The following STXBP2 variants were observed in gnomAD, a reference collection of about 807,000 sequenced individuals.
STXBP2 encodes syntaxin-binding protein 2.
In STXBP2, 47 loss-of-function variants were observed where a neutral mutation model predicts 72.2. That is an observed-to-expected ratio of 0.65 (90% CI 0.51 to 0.83). The LOEUF (loss-of-function observed/expected upper bound fraction) is 0.83. Ranked by LOEUF, STXBP2 falls within the 40% of genes least tolerant of loss-of-function variation. The probability of loss-of-function intolerance (pLI) is 0.00; values close to 1 mark genes in which losing one functional copy is unlikely to be tolerated. For missense variants in STXBP2, 702 were observed against 807.6 expected (o/e 0.87, Z 1.58); for synonymous variants, 367 against 338.7 (o/e 1.08, Z -0.92).
At chr19:7,646,985 G>C in intron 16 of STXBP2, 177 bp from the exon 17 acceptor site, 1 of 630,808 alleles carries the variant, frequency 1.6e-6, no homozygotes, top group Non-Finnish European at 2.8e-6. Flanking sequence ...TATGGATCTA[G>C]ATTTCTAGGT....
At chr19:7,635,967 T>A (rs1261795754), upstream of STXBP2, among the ~76,000 whole-genome samples, 1 of 152,172 alleles carries the variant, frequency 6.6e-6, no homozygotes, top group Non-Finnish European at 1.5e-5. Context: ...TACCTGGACA[T>A]GCTGTGTGGC....
chr19:7,640,498 ATC>A (rs750564223), intron 4 of STXBP2: 22 of 574,126 alleles, frequency 3.8e-5, no homozygotes, highest in Middle Eastern at 3.4e-4. Flanking sequence ...GTGTGTGTGC[ATC>A]TGTGTGTGTG....
At chr19:7,645,414 G>T (rs1277659672) in intron 15 of STXBP2, 108 bp downstream of exon 15, 2 of 1,143,470 alleles carry the variant, frequency 1.7e-6, no homozygotes, top group African/African-American at 3.1e-5. Flanking sequence ...GGTTCCTGGC[G>T]TGGTGTGGTT....
Position 7,647,375 on chromosome 19 carries a change from C to G in STXBP2, c.1560C>G (p.His520Gln). The change falls in exon 18 of 19, where the codon CAC becomes CAG. Residue 520 changes from histidine (H) to glutamine (Q), a missense_variant. Coordinates refer to ENST00000221283, the MANE Select transcript of STXBP2 (RefSeq NM_006949.4). ...ACAGTGCCCGCTTCGGTCACTGGCA[C>G]AAGAACAAGGCTGGCATAGAAGCCC... ...AAVSARFGHWHKNKAGIEARA... is the reference protein window; with the variant it reads ...AAVSARFGHWQKNKAGIEARA... 6.2e-7 allele frequency: 1 copy of G among 1,613,510 alleles called. No individual in the cohort carries two copies. The highest frequency in any genetic ancestry group is 1.1e-5 in the South Asian group (1 of 91,086).
At chr19:7,646,641 C>T in intron 16 of STXBP2, 1 of 500,642 alleles carries the variant, frequency 2.0e-6, no homozygotes, top group Admixed American at 3.3e-5. Context: ...CCAGCCCTGG[C>T]CTTCCCAGGA....
In STXBP2 at chr19:7,647,447, G is replaced by A. The variant is rs970648780; in HGVS notation, c.1632G>A (p.Met544Ile). 3 of 1,613,334 alleles carry A rather than the reference G, an allele frequency of 1.9e-6. No individual in the cohort carries two copies. The highest frequency in any genetic ancestry group is 2.5e-6 in the Non-Finnish European group (3 of 1,179,808). Residue 544 changes from methionine (M) to isoleucine (I), a missense_variant, in exon 18 of 19, where the codon ATG (methionine) becomes ATA (isoleucine). Transcript: ENST00000221283. ...LIVYVMGGVA[M>I]SEMRAAYEVT... Reference sequence around the variant, plus strand: ...TGTATGTCATGGGCGGTGTGGCCATGTCAGAGATGAGGGCCGCCTACGAGG... The same window carrying A: ...TGTATGTCATGGGCGGTGTGGCCATATCAGAGATGAGGGCCGCCTACGAGG...
the STXBP2 span, chr19:7,631,726 C>T: frequency 1.3e-5 from 18 of 1,438,872 alleles, no homozygotes; most frequent in South Asian, 3.2e-5. Flanking sequence ...GCTGCTGTTC[C>T]GACGGAAGCC....
chr19:7,646,220 C>T (rs1398901493), intron 15 of STXBP2, 29 bp from the exon 16 acceptor site: 1 of 1,570,524 alleles, frequency 6.4e-7, no homozygotes. Flanking sequence ...CCCTCAATCC[C>T]CCTGCTGCCC....
chr19:7,633,022 C>A (rs1354654641), upstream of STXBP2: 4 of 1,431,366 alleles, frequency 2.8e-6, no homozygotes, highest in African/African-American at 1.4e-5. Flanking sequence ...CAATCCCGGC[C>A]CCCGCCCCAG....
chr19:7,632,524 G>T, upstream of STXBP2: 1 of 1,612,570 alleles, frequency 6.2e-7, no homozygotes. This position sits in a 1 kb window ranked among gnomAD's most constrained non-coding sequence, Gnocchi z 5.2. Context: ...CTCTCTGCGT[G>T]GACGTTCACA....
chr19:7,640,414 ATG>A (rs35685478), intron 4 of STXBP2: 18,059 of 608,648 alleles, frequency 0.03, 1,067 homozygotes, highest in Admixed American at 0.15. Context: ...GTGTGTATGT[ATG>A]TGTGCGCGCG....
At chr19:7,630,515 A>C in the STXBP2 span, 1 of 1,352,534 alleles carries the variant, frequency 7.4e-7, no homozygotes, top group East Asian at 2.5e-5. Flanking sequence ...CCAGGCTCTG[A>C]GGAGCCTCTG....
At position 7,637,149 on chromosome 19, in the gene STXBP2, G is replaced by A; in HGVS notation, c.-1G>A. The stretch of plus-strand genomic sequence containing the variant: ...AGCGGCGGCGGCGCCCCTCGGGGAA[G>A]ATGGCGCCCTCGGGGCTGAAGGCGG... On this transcript the variant is annotated 5_prime_UTR_variant, in exon 1 of 19. Coordinates refer to ENST00000221283, the MANE Select transcript of STXBP2 (RefSeq NM_006949.4). 8.1e-7 allele frequency: 1 copy of A among 1,241,492 alleles called. No homozygotes were observed. 76.9% of individuals were successfully genotyped at this position (1,241,492 alleles called of 1,614,324 possible). A position where few individuals can be genotyped will look rare whatever the true frequency, so the allele number is the denominator to read the frequency against.
chr19:7,643,978 G>GAA (rs2032014419), intron 13 of STXBP2, among the ~76,000 whole-genome samples: 5 of 108,436 alleles, frequency 4.6e-5, no homozygotes, highest in South Asian at 2.8e-4. Flanking sequence ...GAGGCACGGG[G>GAA]CCTTGGAGAG....
At chr19:7,640,325 CGTGTGTATGCGT>C (rs1353383711) in intron 4 of STXBP2, 17 of 464,960 alleles carry the variant, frequency 3.7e-5, no homozygotes, top group East Asian at 2.2e-4. Context: ...TCTGTGTGTG[CGTGTGTATGCGT>C]GTGTGTATGC....
upstream of STXBP2, chr19:7,632,639 GC>G: frequency 6.4e-7 from 1 of 1,569,728 alleles, no homozygotes; most frequent in Non-Finnish European, 8.6e-7. This position sits in a 1 kb window ranked among gnomAD's most constrained non-coding sequence, Gnocchi z 5.2. Context: ...GTGCCCCCAG[GC>G]CCTCCAGATG....
chr19:7,633,043 C>T, upstream of STXBP2: 9 of 1,412,462 alleles, frequency 6.4e-6, no homozygotes, highest in Non-Finnish European at 8.3e-6. Flanking sequence ...GGGCCCTGGC[C>T]AGCAGTGCCA....
At chr19:7,629,944 A>C in the STXBP2 span, 1 of 1,402,224 alleles carries the variant, frequency 7.1e-7, no homozygotes, top group African/African-American at 1.5e-5. Context: ...GGGGGACTTC[A>C]AAGGAAGAGG....
the STXBP2 span, chr19:7,631,727 G>C: frequency 3.5e-6 from 5 of 1,446,418 alleles, no homozygotes; most frequent in Non-Finnish European, 3.6e-6. Flanking sequence ...CTGCTGTTCC[G>C]ACGGAAGCCG....
Sources: allele counts gnomAD v4.1 joint callset (sites outside exome capture counted in the v4.1 genomes callset), GRCh38; gene constraint gnomAD v4.1.1; non-coding constraint Gnocchi (gnomAD v3.1); transcripts MANE v1.5; gene names NCBI Gene and HGNC (gene_info 2026-07-23, HGNC 2026-07-21).